Variants in CWC27 observed in about 807,000 individuals in gnomAD.
CWC27 encodes the protein CWC27 spliceosome associated cyclophilin.
CWC27 carries 47 observed loss-of-function variants against 63.6 expected under a neutral mutation model. The observed-to-expected ratio is 0.74, with a 90% confidence interval of 0.58 to 0.94. The LOEUF is 0.94. Ranked by LOEUF, CWC27 falls within the 40% of genes least tolerant of loss-of-function variation. The pLI is 0.00. For missense variants in CWC27, 495 were observed against 554.3 expected (o/e 0.89, Z 1.07); for synonymous variants, 175 against 179.8 (o/e 0.97, Z 0.22).
intron 11 of CWC27, among the ~76,000 whole-genome samples, chr5:64,931,796 C>T (rs1267871472): frequency 1.3e-5 from 2 of 151,936 alleles, no homozygotes; most frequent in Non-Finnish European, 2.9e-5. Flanking sequence ...TCCAATTACA[C>T]CTTGTTTTTT....
chr5:64,966,151 T>G (rs1353832950), intron 11 of CWC27, among the ~76,000 whole-genome samples: 1 of 152,040 alleles, frequency 6.6e-6, no homozygotes, highest in Non-Finnish European at 1.5e-5. Context: ...AAAATCCTTA[T>G]AACCACTTTT....
chr5:64,943,815 C>T (rs1003520230), intron 11 of CWC27, among the ~76,000 whole-genome samples: 1 of 152,000 alleles, frequency 6.6e-6, no homozygotes, highest in African/African-American at 2.4e-5. Context: ...TCCTTTTGGG[C>T]CTTTCTTTTC....
At chr5:64,911,176 C>T (rs1340786729) in intron 11 of CWC27, among the ~76,000 whole-genome samples, 2 of 152,226 alleles carry the variant, frequency 1.3e-5, no homozygotes, top group South Asian at 2.1e-4. Context: ...CCTTTCCTCC[C>T]TCCGTGTTAA....
intron 1 of CWC27, 50 bp downstream of exon 1, chr5:64,769,238 A>C (rs1743150627): frequency 3.2e-6 from 5 of 1,561,384 alleles, no homozygotes; most frequent in Non-Finnish European, 3.5e-6. Flanking sequence ...CCAAAGTGAG[A>C]TTTCCCGGAT....
chr5:64,883,284 T>C (rs943473275), intron 10 of CWC27, among the ~76,000 whole-genome samples: 1 of 152,030 alleles, frequency 6.6e-6, no homozygotes, highest in African/African-American at 2.4e-5. Context: ...GAGATTTGGG[T>C]GGGGATACAG....
chr5:64,813,208 T>A (rs1447461045), intron 10 of CWC27, among the ~76,000 whole-genome samples: 1 of 152,146 alleles, frequency 6.6e-6, no homozygotes, highest in Non-Finnish European at 1.5e-5. Context: ...CCATACTATA[T>A]TTAGCATTTC....
chr5:64,911,180 G>A (rs959692178), intron 11 of CWC27, among the ~76,000 whole-genome samples: 8 of 152,214 alleles, frequency 5.3e-5, no homozygotes, highest in Middle Eastern at 3.4e-3. Context: ...TCCTCCCTCC[G>A]TGTTAACAAT....
At chr5:64,827,224 T>C (rs1745387633) in intron 10 of CWC27, among the ~76,000 whole-genome samples, 1 of 152,144 alleles carries the variant, frequency 6.6e-6, no homozygotes, top group African/African-American at 2.4e-5. Context: ...GAGTAGATAA[T>C]CTGTTTAAGT....
intron 11 of CWC27, among the ~76,000 whole-genome samples, chr5:64,945,421 T>G (rs1291220777): frequency 7.2e-5 from 11 of 152,162 alleles, no homozygotes; most frequent in African/African-American, 2.7e-4. Flanking sequence ...CTAAAAGGCT[T>G]AAAACATTTA....
chr5:64,839,602 G>A (rs1299842681), intron 10 of CWC27, among the ~76,000 whole-genome samples: 1 of 152,184 alleles, frequency 6.6e-6, no homozygotes, highest in East Asian at 1.9e-4. Flanking sequence ...ACTGTAAAAG[G>A]CCTAACTATC....
chr5:64,995,115 G>A (rs1159646424), intron 13 of CWC27, among the ~76,000 whole-genome samples: 2 of 151,474 alleles, frequency 1.3e-5, no homozygotes, highest in Non-Finnish European at 2.9e-5. Flanking sequence ...GGGACTACAG[G>A]CGAGCACCAC....
intron 11 of CWC27, among the ~76,000 whole-genome samples, chr5:64,934,301 G>C (rs186541404): frequency 6.6e-6 from 1 of 152,212 alleles, no homozygotes; most frequent in East Asian, 1.9e-4. Context: ...CCTTCCCTGT[G>C]TCCATGTGTT....
chr5:64,920,269 G>A (rs541787308), intron 11 of CWC27, among the ~76,000 whole-genome samples: 15 of 151,970 alleles, frequency 9.9e-5, no homozygotes, highest in South Asian at 4.1e-4. Flanking sequence ...ACACCCACCC[G>A]TCATTTATTG....
chr5:64,800,370 G>T (rs1458986605), intron 8 of CWC27, 43 bp downstream of exon 8: 6 of 1,434,206 alleles, frequency 4.2e-6, no homozygotes, highest in East Asian at 2.4e-5. Flanking sequence ...TAATTTTCTG[G>T]CTCAGATAAT....
rs1312570493 is a variant in CWC27 at position 64,769,117 on chromosome 5, T to C, written c.-30T>C. The C allele has an allele frequency of 1.2e-6, 2 of 1,610,984 alleles. No individual in the cohort carries two copies. The highest frequency in any genetic ancestry group is 1.7e-5 in the Admixed American group (1 of 60,016). ...GCCGGCCGGCCGCTCTCATCCCCCGTAAGGAGCAGAGTCCTTTGTACTGAC... is the reference window on the plus strand; with the variant it reads ...GCCGGCCGGCCGCTCTCATCCCCCGCAAGGAGCAGAGTCCTTTGTACTGAC... On this transcript the variant is annotated 5_prime_UTR_variant, in exon 1 of 14. Coordinates refer to ENST00000381070, the MANE Select transcript of CWC27 (RefSeq NM_005869.4).
chr5:64,900,745 C>T (rs1353152691), intron 11 of CWC27, among the ~76,000 whole-genome samples: 1 of 151,856 alleles, frequency 6.6e-6, no homozygotes, highest in Non-Finnish European at 1.5e-5. Flanking sequence ...GTCACATATC[C>T]CTTAACAATG....
chr5:64,894,218 G>A (rs754200634), intron 11 of CWC27, among the ~76,000 whole-genome samples: 26 of 151,954 alleles, frequency 1.7e-4, no homozygotes, highest in Non-Finnish European at 2.8e-4. Flanking sequence ...GTGAGCCACC[G>A]CGCCTGGCCC....
chr5:64,779,897 A>G (rs928264472), intron 2 of CWC27, among the ~76,000 whole-genome samples: 5 of 152,254 alleles, frequency 3.3e-5, no homozygotes, highest in African/African-American at 7.2e-5. Context: ...CGCTCACTCC[A>G]TCCTGCTGCC....
At chr5:64,976,775 C>T (rs1225219231) in intron 12 of CWC27, among the ~76,000 whole-genome samples, 1 of 152,120 alleles carries the variant, frequency 6.6e-6, no homozygotes, top group African/African-American at 2.4e-5. Flanking sequence ...CTCTTGGGCT[C>T]AAAAGATCCT....
Sources: gnomAD v4.1 joint callset for allele counts (sites outside exome capture counted in the v4.1 genomes callset) on GRCh38, gnomAD v4.1.1 for gene constraint, MANE v1.5 for transcripts, NCBI Gene and HGNC (gene_info 2026-07-23, HGNC 2026-07-21) for gene names.